The following NCOA7 variants were observed in gnomAD, a reference collection of about 807,000 sequenced individuals.
NCOA7 encodes the protein nuclear receptor coactivator 7, also known as 140 kDa estrogen receptor-associated protein.
In NCOA7, 45 loss-of-function variants were observed where a neutral mutation model predicts 104.3. The observed-to-expected ratio is 0.43, with a 90% CI of 0.34 to 0.55. The LOEUF is 0.55. NCOA7 is among the 20% of genes least tolerant of loss of function. The pLI is 0.02. For missense variants in NCOA7, 1,041 were observed against 1,119.7 expected (o/e 0.93, Z 1.00); for synonymous variants, 398 against 402.3 (o/e 0.99, Z 0.13).
intron 2 of NCOA7, among the ~76,000 whole-genome samples, chr6:125,840,850 G>GT (rs892180977): frequency 1.2e-5 from 1 of 82,362 alleles, no homozygotes; most frequent in African/African-American, 5.4e-5. Flanking sequence ...ACCTTTTATG[G>GT]TTTTTTTTGT....
At chr6:125,910,450 T>C (rs559487935) in intron 10 of NCOA7, among the ~76,000 whole-genome samples, 2 of 152,352 alleles carry the variant, frequency 1.3e-5, no homozygotes, top group South Asian at 4.2e-4. Flanking sequence ...GACTAAATTT[T>C]TAAGTATTGA....
At chr6:125,910,455 T>G (rs1786427087) in intron 10 of NCOA7, among the ~76,000 whole-genome samples, 1 of 152,228 alleles carries the variant, frequency 6.6e-6, no homozygotes, top group Non-Finnish European at 1.5e-5. Flanking sequence ...AATTTTTAAG[T>G]ATTGAAAAAA....
At chr6:125,888,530 ATGTT>A (rs80014936) in intron 8 of NCOA7, among the ~76,000 whole-genome samples, 36,400 of 151,912 alleles carry the variant, frequency 0.24, 4,890 homozygotes, top group African/African-American at 0.39. Context: ...AAAAAGGAAA[ATGTT>A]TGCACATTTA....
At chr6:125,915,660 A>G (rs9791366) in intron 11 of NCOA7, among the ~76,000 whole-genome samples, 180 bp downstream of exon 11, 23,875 of 152,112 alleles carry the variant, frequency 0.16, 2,077 homozygotes, top group African/African-American at 0.25. Context: ...CACCACCGCT[A>G]TGTACACAGG....
intron 1 of NCOA7, among the ~76,000 whole-genome samples, chr6:125,803,915 T>G (rs904876658): frequency 6.6e-6 from 1 of 152,150 alleles, no homozygotes; most frequent in Non-Finnish European, 1.5e-5. Context: ...TAATAAGTAG[T>G]AATAGTAGTA....
chr6:125,866,797 T>C (rs1489215701), intron 3 of NCOA7, among the ~76,000 whole-genome samples: 4 of 152,220 alleles, frequency 2.6e-5, no homozygotes, highest in Non-Finnish European at 5.9e-5. Flanking sequence ...TTTTAATTGC[T>C]GTGGCTTTAT....
In NCOA7 at chr6:125,855,153, G is replaced by A; in HGVS notation, c.184G>A (p.Glu62Lys). 1 of 1,613,196 alleles carries A rather than the reference G, an allele frequency of 6.2e-7. No individual in the cohort carries two copies. The highest frequency in any genetic ancestry group is 1.1e-5 in the South Asian group (1 of 91,064). The change falls in exon 3 of 16, where the codon GAA becomes AAA. Residue 62 changes from glutamate (E) to lysine (K), a missense_variant. This residue lies in a region of NCOA7 where 914 missense variants were observed against 942.7 expected (regional missense o/e 0.97). Coordinates refer to ENST00000392477, the MANE Select transcript of NCOA7 (RefSeq NM_181782.5). ...PDKCNIAVEE[E>K]YMTDEKKKRK... The stretch of plus-strand genomic sequence containing the variant: ...CAAGTGCAACATTGCTGTGGAAGAG[G>A]AATATATGACTGATGAGAAAAAAAA...
chr6:125,889,594 C>A lies in NCOA7; in HGVS notation c.1540C>A (p.His514Asn), dbSNP rs764814940. ...CCGAGTAGAAAACACACTGAACATA[C>A]ATGAAGATTTAGATAAAGTTAAACT... ...ESRVENTLNI[H>N]EDLDKVKLIE... The change falls in exon 9 of 16, where the codon CAT (histidine) becomes AAT (asparagine). Residue 514 changes from histidine to asparagine, a missense_variant. Physicochemically the swap from His to Asn is moderately conservative, Grantham distance 68. Around this residue, in one of 2 missense-constraint regions of NCOA7, gnomAD observed 914 missense variants for 942.7 expected, o/e 0.97. Transcript: ENST00000392477. 4 of 1,613,798 alleles carry A rather than the reference C, an allele frequency of 2.5e-6. No homozygotes were observed. Among genetic ancestry groups the A allele is most frequent in the East Asian group, 2.2e-5 (1 of 44,824 alleles).
chr6:125,784,196 C>T (rs1485279255), intron 1 of NCOA7, among the ~76,000 whole-genome samples: 1 of 152,104 alleles, frequency 6.6e-6, no homozygotes, highest in African/African-American at 2.4e-5. Flanking sequence ...GTCAGCTGTC[C>T]TTCTTTTGTT....
chr6:125,791,336 G>C (rs1217151706), intron 1 of NCOA7, among the ~76,000 whole-genome samples: 4 of 152,250 alleles, frequency 2.6e-5, no homozygotes, highest in African/African-American at 9.6e-5. Context: ...GCCAGTACGA[G>C]AGTGGGGAGG....
chr6:125,879,010 T>C (rs1296285370), intron 5 of NCOA7, among the ~76,000 whole-genome samples: 1 of 152,214 alleles, frequency 6.6e-6, no homozygotes, highest in African/African-American at 2.4e-5. Context: ...CAATCTATGT[T>C]ACCTAATACT....
Position 125,874,906 on chromosome 6 carries a change from A to G in NCOA7, c.289A>G (p.Thr97Ala). 6.2e-7 allele frequency: 1 copy of G among 1,613,432 alleles called. No homozygotes were observed. The highest frequency in any genetic ancestry group is 1.1e-5 in the South Asian group (1 of 91,070). ...YYSIDDNQNK[T>A]HDKKEKKMVV... is the part of the protein sequence containing the mutation. ...TTCTTCAGATGACAATCAAAACAAAACACATGATAAAAAAGAGAAGAAGAT... is the reference window on the plus strand; with the variant it reads ...TTCTTCAGATGACAATCAAAACAAAGCACATGATAAAAAAGAGAAGAAGAT... The change falls in exon 4 of 16, where the codon ACA becomes GCA. Residue 97 changes from threonine to alanine, a missense_variant. By Grantham distance (58) the Thr-to-Ala change is moderately conservative (BLOSUM62 0). Transcript: ENST00000392477.
In NCOA7 at chr6:125,791,032, T is replaced by A. The variant is rs1774793658; in HGVS notation, c.-100T>A. ...GAAATGCATGCGACCGATCCCCTTC[T>A]CCCGGACCCCAGGAGCCGGCGCCCC... is the stretch of plus-strand genomic sequence containing the variant. On this transcript the variant is annotated 5_prime_UTR_variant, in exon 1 of 16. Transcript: ENST00000392477. 6.6e-6 allele frequency: 1 copy of A among 152,384 alleles called. No homozygotes were observed. The highest frequency in any genetic ancestry group is 6.5e-5 in the Admixed American group (1 of 15,284). The allele number at this position is 152,384 out of a possible 1,614,324, so 9.4% of individuals were successfully genotyped here. A position where few individuals can be genotyped will look rare whatever the true frequency, so the allele number is the denominator to read the frequency against.
Position 125,840,868 on chromosome 6 carries a change from G to GTTTTTTTTTTTTTTTTTTTTTTTTTTTTT in NCOA7, c.51-14138_51-14110dup, listed in dbSNP as rs57168444. On this transcript the variant is annotated intron_variant, in intron 2 of 15. Transcript: ENST00000392477. ...TTTTATGGTTTTTTTTGTTTGGTTG[G>GTTTTTTTTTTTTTTTTTTTTTTTTTTTTT]TTTTTTTTTTTTTTTTTTTTTTTTT... 2.2e-4 allele frequency among the ~76,000 whole-genome samples: 9 copies of GTTTTTTTTTTTTTTTTTTTTTTTTTTTTT among 40,376 alleles called. 3 individuals are homozygous for GTTTTTTTTTTTTTTTTTTTTTTTTTTTTT. The highest frequency in any genetic ancestry group is 3.1e-4 in the African/African-American group (3 of 9,662). 26.5% of individuals were successfully genotyped at this position (40,376 alleles called of 152,430 possible).
rs559393375 is a variant in NCOA7 at position 125,834,652 on chromosome 6, A to G, written c.50+19248A>G. On this transcript the variant is annotated intron_variant, in intron 2 of 15. Transcript: ENST00000392477. ...CGTGTTTCTTTTAAGACCTCACTGA[A>G]GTCTTGCTGACCTAAAAGGAAGAAG... Among the ~76,000 whole-genome samples, 6 of 152,330 alleles carry G rather than the reference A, an allele frequency of 3.9e-5. No individual in the cohort carries two copies. The South Asian group carries it at 1.2e-3, about 32-fold the overall frequency.
chr6:125,905,289 T>C (rs1489280101), intron 10 of NCOA7, among the ~76,000 whole-genome samples: 1 of 145,184 alleles, frequency 6.9e-6, no homozygotes, highest in Non-Finnish European at 1.5e-5. Context: ...AGAGTTTCAC[T>C]CTTGTCGCCC....
At chr6:125,808,496 A>G (rs944126394) in intron 1 of NCOA7, among the ~76,000 whole-genome samples, 1 of 152,132 alleles carries the variant, frequency 6.6e-6, no homozygotes, top group Non-Finnish European at 1.5e-5. Flanking sequence ...TCCGTGATAG[A>G]TGTTTCCAAA....
intron 3 of NCOA7, among the ~76,000 whole-genome samples, chr6:125,869,649 G>T (rs886437090): frequency 6.6e-6 from 1 of 152,226 alleles, no homozygotes; most frequent in Non-Finnish European, 1.5e-5. Flanking sequence ...GAGAGAGCAC[G>T]TGAGACTACT....
At chr6:125,800,070 A>G (rs1329189344) in intron 1 of NCOA7, among the ~76,000 whole-genome samples, 7 of 152,368 alleles carry the variant, frequency 4.6e-5, no homozygotes, top group Admixed American at 4.6e-4. Context: ...TAGCAAATGC[A>G]TTTATAATAG....
Sources: gnomAD v4.1 joint callset for allele counts (sites outside exome capture counted in the v4.1 genomes callset) on GRCh38, gnomAD v4.1.1 for gene constraint, gnomAD v4.1.1 regional missense constraint, MANE v1.5 for transcripts, NCBI Gene and HGNC (gene_info 2026-07-23, HGNC 2026-07-21) for gene names.